Variants in MTCL2 observed in about 807,000 individuals in gnomAD.
MTCL2 encodes microtubule cross-linking factor 2.
the MTCL2 span, among the ~76,000 whole-genome samples, chr20:36,850,719 T>C: frequency 6.6e-6 from 1 of 152,144 alleles, no homozygotes; most frequent in South Asian, 2.1e-4. Flanking sequence ...CAGTGAGTGA[T>C]TTTTTCTAAA....
the MTCL2 span, among the ~76,000 whole-genome samples, chr20:36,820,931 G>C: frequency 6.6e-6 from 1 of 152,226 alleles, no homozygotes; most frequent in Non-Finnish European, 1.5e-5. Flanking sequence ...AACTGCTGAT[G>C]CTGGGTCAGG....
the MTCL2 span, among the ~76,000 whole-genome samples, chr20:36,860,715 T>C: frequency 6.6e-6 from 1 of 152,248 alleles, no homozygotes; most frequent in African/African-American, 2.4e-5. Flanking sequence ...AGCGTGTTAC[T>C]GTCCCATTTT....
At chr20:36,857,710 T>A in the MTCL2 span, among the ~76,000 whole-genome samples, 1 of 152,036 alleles carries the variant, frequency 6.6e-6, no homozygotes, top group Admixed American at 6.6e-5. Flanking sequence ...AGAGAAGAGC[T>A]ACATGCAGAA....
At chr20:36,812,823 G>A in the MTCL2 span, 1 of 1,612,400 alleles carries the variant, frequency 6.2e-7, no homozygotes, top group South Asian at 1.1e-5. Flanking sequence ...TCCCATTCCG[G>A]CAGGTCCCTG....
At chr20:36,788,933 A>C in the MTCL2 span, among the ~76,000 whole-genome samples, 1 of 151,096 alleles carries the variant, frequency 6.6e-6, no homozygotes, top group Non-Finnish European at 1.5e-5. Context: ...CAGCCTCCCG[A>C]GTAGCTGGGA....
chr20:36,829,227 G>C, the MTCL2 span: 6 of 1,597,748 alleles, frequency 3.8e-6, no homozygotes, highest in Admixed American at 5.2e-5. Context: ...GCAGGGGTGG[G>C]AGAGAGAAGG....
the MTCL2 span, chr20:36,828,648 C>A: frequency 6.0e-6 from 1 of 167,968 alleles, no homozygotes; most frequent in Non-Finnish European, 1.3e-5. Context: ...CCTGTTGGTC[C>A]TCACAATGAC....
the MTCL2 span, among the ~76,000 whole-genome samples, chr20:36,837,670 C>T: frequency 9.6e-4 from 145 of 151,348 alleles, 1 homozygote; most frequent in African/African-American, 3.4e-3. Flanking sequence ...CTCCGCCTCC[C>T]GGGTTCAAGC....
At chr20:36,803,705 C>G in the MTCL2 span, among the ~76,000 whole-genome samples, 5 of 151,784 alleles carry the variant, frequency 3.3e-5, no homozygotes, top group Non-Finnish European at 1.5e-5. Flanking sequence ...CCAGTACTCC[C>G]AGCGCTTTGG....
At chr20:36,836,871 G>T in the MTCL2 span, among the ~76,000 whole-genome samples, 1 of 152,142 alleles carries the variant, frequency 6.6e-6, no homozygotes. Flanking sequence ...CACAGGGGGC[G>T]CCAGCAGCTT....
the MTCL2 span, among the ~76,000 whole-genome samples, chr20:36,801,064 G>A: frequency 3.3e-5 from 5 of 151,692 alleles, no homozygotes; most frequent in Non-Finnish European, 7.4e-5. Context: ...TTTTAGATAC[G>A]AAGTCTCACT....
the MTCL2 span, among the ~76,000 whole-genome samples, chr20:36,816,846 C>G: frequency 6.6e-6 from 1 of 152,186 alleles, no homozygotes; most frequent in Non-Finnish European, 1.5e-5. Context: ...AACTCTAGAC[C>G]TTTGGATTTG....
chr20:36,856,503 G>A, the MTCL2 span, among the ~76,000 whole-genome samples: 2 of 152,284 alleles, frequency 1.3e-5, no homozygotes, highest in Non-Finnish European at 2.9e-5. Context: ...CCCCCGGGCA[G>A]TGTTTCTTCT....
chr20:36,797,079 A>G, the MTCL2 span: 1 of 814,980 alleles, frequency 1.2e-6, no homozygotes, highest in Non-Finnish European at 2.1e-6. Flanking sequence ...GATGTCATCA[A>G]TGATCTAGCA....
the MTCL2 span, among the ~76,000 whole-genome samples, chr20:36,813,906 C>T: frequency 5.3e-5 from 8 of 152,268 alleles, no homozygotes; most frequent in East Asian, 1.2e-3. Context: ...ATTGTCTCTT[C>T]ACTCAGTGTC....
the MTCL2 span, among the ~76,000 whole-genome samples, chr20:36,860,865 G>A: frequency 1.3e-5 from 2 of 152,154 alleles, no homozygotes; most frequent in Non-Finnish European, 2.9e-5. Flanking sequence ...GTTCCATCTT[G>A]GCCCAAACGT....
At chr20:36,819,179 A>G in the MTCL2 span, among the ~76,000 whole-genome samples, 1 of 151,986 alleles carries the variant, frequency 6.6e-6, no homozygotes, top group Non-Finnish European at 1.5e-5. Flanking sequence ...TCAATGTTTA[A>G]AGAAGTCATT....
the MTCL2 span, among the ~76,000 whole-genome samples, chr20:36,792,235 C>T: frequency 2.6e-5 from 4 of 152,136 alleles, no homozygotes; most frequent in African/African-American, 7.2e-5. Context: ...TGGCCAGGCG[C>T]GGTGGCTCAC....
chr20:36,790,148 C>T, the MTCL2 span, among the ~76,000 whole-genome samples: 5 of 151,902 alleles, frequency 3.3e-5, no homozygotes, highest in South Asian at 2.1e-4. Context: ...CCTGCCACCA[C>T]GCCTGGCTAA....
Sources: gnomAD v4.1 joint callset for allele counts (sites outside exome capture counted in the v4.1 genomes callset) on GRCh38, gnomAD v4.1.1 for gene constraint, MANE v1.5 for transcripts, NCBI Gene and HGNC (gene_info 2026-07-23, HGNC 2026-07-21) for gene names.